Variants in DOCK2 observed in about 807,000 individuals in gnomAD.
DOCK2 encodes the protein dedicator of cytokinesis protein 2.
Under a neutral mutation model 248.9 loss-of-function variants are expected in DOCK2, and 87 were observed. The observed-to-expected ratio is 0.35, with a 90% CI of 0.29 to 0.42. The LOEUF (loss-of-function observed/expected upper bound fraction) is 0.42, where lower values mean the gene tolerates loss of function less well. Ranked by LOEUF, DOCK2 falls within the 10% of genes least tolerant of loss-of-function variation. The pLI is 1.00. For synonymous variants in DOCK2, 805 were observed against 821.6 expected, an observed-to-expected ratio of 0.98 and a Z score of 0.35; for missense variants, 1,747 against 2,300.2, an observed-to-expected ratio of 0.76 and a Z score of 4.92.
At chr5:170,002,065 G>A (rs558438351) in intron 30 of DOCK2, among the ~76,000 whole-genome samples, 1 of 152,214 alleles carries the variant, frequency 6.6e-6, no homozygotes, top group South Asian at 2.1e-4. Context: ...ACCCTGGAAG[G>A]CAACCTGACA....
chr5:169,785,299 T>TTTA (rs1266240812), intron 25 of DOCK2, among the ~76,000 whole-genome samples: 1 of 152,196 alleles, frequency 6.6e-6, no homozygotes, highest in African/African-American at 2.4e-5. Context: ...TTTAAGATAT[T>TTTA]TTATACCTTA....
At chr5:169,995,833 T>C (rs758511626) in intron 29 of DOCK2, among the ~76,000 whole-genome samples, 7 of 152,226 alleles carry the variant, frequency 4.6e-5, no homozygotes, top group Non-Finnish European at 4.4e-5. Context: ...TCCATAAGCT[T>C]GTAATATCTT....
In DOCK2 at chr5:169,720,425, C is replaced by T. The variant is rs145449055; in HGVS notation, c.2267+1634C>T. Among the ~76,000 whole-genome samples the T allele has an allele frequency of 7.9e-3, 1,206 of 152,256 alleles. 8 individuals are homozygous for T. The highest frequency in any genetic ancestry group is 0.027 in the Middle Eastern group (8 of 294). On this transcript the variant is annotated intron_variant, in intron 22 of 51. Coordinates refer to ENST00000520908, the MANE Select transcript of DOCK2 (RefSeq NM_004946.3). ...ATTTATTTTATTGCTTCTCCTCTCT[C>T]CTATATTTCTTTCCTTTTCCATCCC... is the stretch of plus-strand genomic sequence containing the variant.
intron 25 of DOCK2, 114 bp downstream of exon 25, chr5:169,761,739 C>T: frequency 1.4e-6 from 1 of 734,450 alleles, no homozygotes; most frequent in Non-Finnish European, 2.2e-6. Context: ...CATCTCTTTT[C>T]TCACAACTCC....
intron 27 of DOCK2, among the ~76,000 whole-genome samples, chr5:169,978,785 G>A (rs1046792138): frequency 5.3e-5 from 8 of 152,122 alleles, no homozygotes; most frequent in Non-Finnish European, 1.0e-4. Context: ...GCCACTCAAG[G>A]TGTTAAGTAG....
chr5:170,048,798 G>A (rs932920121), intron 40 of DOCK2, among the ~76,000 whole-genome samples: 1 of 152,180 alleles, frequency 6.6e-6, no homozygotes, highest in African/African-American at 2.4e-5. Flanking sequence ...TACCCATCAC[G>A]TGACGAATTG....
chr5:169,753,337 C>T (rs1581141009), intron 23 of DOCK2, among the ~76,000 whole-genome samples: 1 of 151,980 alleles, frequency 6.6e-6, no homozygotes, highest in African/African-American at 2.4e-5. Context: ...CTATTTGTCC[C>T]GATGTTCTCC....
chr5:169,783,561 C>A (rs1474743034), intron 25 of DOCK2, among the ~76,000 whole-genome samples: 1 of 151,918 alleles, frequency 6.6e-6, no homozygotes, highest in Non-Finnish European at 1.5e-5. Flanking sequence ...ATTATTATTT[C>A]CATTTTAATT....
At chr5:169,822,721 G>A (rs1462197699) in intron 26 of DOCK2, among the ~76,000 whole-genome samples, 2 of 152,098 alleles carry the variant, frequency 1.3e-5, no homozygotes, top group African/African-American at 4.8e-5. Context: ...AGAGAAGCAA[G>A]AACAAACACA....
intron 27 of DOCK2, among the ~76,000 whole-genome samples, chr5:169,889,683 A>G (rs1011307850): frequency 1.3e-5 from 2 of 152,220 alleles, no homozygotes; most frequent in African/African-American, 2.4e-5. Context: ...CTGGCCACAC[A>G]GTTTCTGTTG....
chr5:169,781,893 G>T (rs1159372655), intron 25 of DOCK2, among the ~76,000 whole-genome samples: 1 of 151,982 alleles, frequency 6.6e-6, no homozygotes, highest in African/African-American at 2.4e-5. Context: ...TTTTCATCAG[G>T]CTCATCCCTG....
rs927225316 is a variant in DOCK2, at chr5:169,637,300, G to T, written c.-27G>T. On this transcript the variant is annotated 5_prime_UTR_variant, in exon 1 of 52. Transcript: ENST00000520908. ...AGCCACCCCCTGACGGCTTCCCCAC[G>T]GGAGGACGCGAGGCCCCGGCCCAGC... 7.0e-7 allele frequency: 1 copy of T among 1,430,660 alleles called. No homozygotes were observed. The allele number at this position is 1,430,660 out of a possible 1,614,324, so 88.6% of individuals were successfully genotyped here.
rs568492329 is a variant in DOCK2, at chr5:169,820,903, C to T, written c.2703+17697C>T. ...TTAGATGAATGGCTAACTAGAATAA[C>T]CAATGCAGAGAAGTCCTTAAAGGAC... On this transcript the variant is annotated intron_variant, in intron 26 of 51. Coordinates refer to ENST00000520908, the MANE Select transcript of DOCK2 (RefSeq NM_004946.3). Among the ~76,000 whole-genome samples, 4 of 152,222 alleles carry T rather than the reference C, an allele frequency of 2.6e-5. No individual in the cohort carries two copies. The East Asian group carries it at 5.8e-4, about 22-fold the overall frequency.
At chr5:169,897,958 G>T (rs111687083) in intron 27 of DOCK2, among the ~76,000 whole-genome samples, 1 of 152,182 alleles carries the variant, frequency 6.6e-6, no homozygotes, top group Non-Finnish European at 1.5e-5. Flanking sequence ...AAATAAAGGA[G>T]CAGGCTAGCT....
chr5:169,766,619 G>T (rs1229294234), intron 25 of DOCK2, among the ~76,000 whole-genome samples: 1 of 152,122 alleles, frequency 6.6e-6, no homozygotes, highest in East Asian at 1.9e-4. Flanking sequence ...TGGGATTCCT[G>T]GGTCGAGGGG....
At chr5:169,990,150 G>A (rs567144760) in intron 29 of DOCK2, among the ~76,000 whole-genome samples, 4 of 151,986 alleles carry the variant, frequency 2.6e-5, no homozygotes, top group African/African-American at 9.7e-5. Flanking sequence ...CCAGGCTGGA[G>A]TGCAATGGCA....
At chr5:170,029,279 G>A (rs1438195463) in intron 34 of DOCK2, among the ~76,000 whole-genome samples, 1 of 152,212 alleles carries the variant, frequency 6.6e-6, no homozygotes, top group East Asian at 1.9e-4. Flanking sequence ...CCCAGCGGGT[G>A]TAAAATGATA....
At chr5:169,883,938 T>C (rs994943282) in intron 27 of DOCK2, 4 of 1,445,498 alleles carry the variant, frequency 2.8e-6, no homozygotes, top group Non-Finnish European at 3.7e-6. Flanking sequence ...ACACTTCTCC[T>C]AGGCACATCT....
intron 32 of DOCK2, among the ~76,000 whole-genome samples, chr5:170,010,808 G>A (rs1755257531): frequency 6.6e-6 from 1 of 152,192 alleles, no homozygotes; most frequent in African/African-American, 2.4e-5. Context: ...GACACCCCAG[G>A]CACTGCCAGA....
Sources: gnomAD v4.1 joint callset for allele counts (sites outside exome capture counted in the v4.1 genomes callset) on GRCh38, gnomAD v4.1.1 for gene constraint, MANE v1.5 for transcripts, NCBI Gene and HGNC (gene_info 2026-07-23, HGNC 2026-07-21) for gene names.